GRIK2: variants seen among roughly 807,000 people sequenced by gnomAD.
GRIK2 encodes glutamate receptor ionotropic, kainate 2.
In GRIK2, 32 loss-of-function variants were observed where a neutral mutation model predicts 100.3. That is an observed-to-expected ratio of 0.32 (90% CI 0.24 to 0.43). GRIK2 has a LOEUF of 0.43. Among genes scored for constraint, GRIK2 ranks in the 20% least tolerant of loss-of-function variants. GRIK2 has a pLI of 1.00. For synonymous variants in GRIK2, 417 were observed against 389.4 expected, an observed-to-expected ratio of 1.07 and a Z score of -0.83; for missense variants, 843 against 1,114.9, an observed-to-expected ratio of 0.76 and a Z score of 3.47.
chr6:101,637,281 G>T (rs908667304), intron 4 of GRIK2, among the ~76,000 whole-genome samples: 1 of 151,996 alleles, frequency 6.6e-6, no homozygotes, highest in Non-Finnish European at 1.5e-5. Context: ...CATATTCACA[G>T]TTCCAGCCAT....
chr6:101,609,132 A>G (rs62421380), intron 2 of GRIK2, among the ~76,000 whole-genome samples: 8,716 of 151,844 alleles, frequency 0.057, 304 homozygotes, highest in South Asian at 0.084. Flanking sequence ...TTAGATCTCT[A>G]CTAGATTAGC....
intron 10 of GRIK2, among the ~76,000 whole-genome samples, chr6:101,819,723 G>T (rs575312297): frequency 3.5e-4 from 54 of 152,156 alleles, no homozygotes; most frequent in Admixed American, 2.3e-3. Context: ...ATTACTTCCT[G>T]TTGGGACTAT....
intron 2 of GRIK2, among the ~76,000 whole-genome samples, chr6:101,513,066 T>C (rs1265564743): frequency 6.6e-6 from 1 of 152,122 alleles, no homozygotes; most frequent in African/African-American, 2.4e-5. Context: ...TGAGTGACCA[T>C]GGCCCATGAC....
At chr6:101,733,095 C>T (rs1370828138) in intron 7 of GRIK2, among the ~76,000 whole-genome samples, 7 of 152,046 alleles carry the variant, frequency 4.6e-5, no homozygotes, top group Non-Finnish European at 1.0e-4. Flanking sequence ...TAGCATTCTG[C>T]CCCTGACACC....
At chr6:101,714,045 C>T (rs1212440876) in intron 7 of GRIK2, among the ~76,000 whole-genome samples, 1 of 151,506 alleles carries the variant, frequency 6.6e-6, no homozygotes, top group African/African-American at 2.4e-5. Context: ...AATAAAGATC[C>T]ACCTTTCTTT....
chr6:101,716,967 C>G lies in GRIK2; in HGVS notation c.951+30614C>G, dbSNP rs1363785810. ...GAATCATTTCCCCTTTTCTATCAGC[C>G]TTCAAAAGCTTGTTGATTGCTCTCT... On this transcript the variant is annotated intron_variant, in intron 7 of 16. Transcript: ENST00000369134. Among the ~76,000 whole-genome samples the G allele has an allele frequency of 2.0e-5, 3 of 151,788 alleles. No homozygotes were observed. In the Admixed American group the frequency reaches 2.0e-4, roughly 10 times the overall value.
At chr6:101,811,006 A>G (rs1781292736) in intron 9 of GRIK2, among the ~76,000 whole-genome samples, 1 of 152,136 alleles carries the variant, frequency 6.6e-6, no homozygotes, top group Non-Finnish European at 1.5e-5. Flanking sequence ...AGCATTTAAT[A>G]TAAATCTCTT....
chr6:101,491,625 C>G (rs1469833319), intron 2 of GRIK2, among the ~76,000 whole-genome samples: 1 of 151,934 alleles, frequency 6.6e-6, no homozygotes, highest in Non-Finnish European at 1.5e-5. Flanking sequence ...TCTCTATTTT[C>G]TATCTCATTA....
chr6:102,040,868 C>CAAATT (rs1770529763), intron 15 of GRIK2, among the ~76,000 whole-genome samples: 1 of 151,576 alleles, frequency 6.6e-6, no homozygotes, highest in Non-Finnish European at 1.5e-5. Context: ...AAAATTGATG[C>CAAATT]AAATTATTCA....
At chr6:101,759,333 C>CT (rs1451436859) in intron 7 of GRIK2, among the ~76,000 whole-genome samples, 1 of 151,628 alleles carries the variant, frequency 6.6e-6, no homozygotes, top group Non-Finnish European at 1.5e-5. Flanking sequence ...TTTTATTTTC[C>CT]TTTTTTTGTA....
intron 15 of GRIK2, among the ~76,000 whole-genome samples, chr6:102,040,147 A>G (rs1770488530): frequency 1.3e-5 from 2 of 151,542 alleles, no homozygotes; most frequent in South Asian, 4.1e-4. Flanking sequence ...TTACTGAAAT[A>G]CACACTATAC....
At chr6:102,042,562 A>G (rs921148304) in intron 15 of GRIK2, among the ~76,000 whole-genome samples, 2 of 151,624 alleles carry the variant, frequency 1.3e-5, no homozygotes, top group African/African-American at 4.8e-5. Context: ...TGGGTAGTTC[A>G]CTGTCTTGAA....
chr6:101,977,049 T>C (rs1378366593), intron 14 of GRIK2, among the ~76,000 whole-genome samples: 7 of 151,934 alleles, frequency 4.6e-5, no homozygotes. Flanking sequence ...ACACAGGTAC[T>C]AATGACTTAA....
intron 10 of GRIK2, among the ~76,000 whole-genome samples, chr6:101,826,076 C>A (rs995000377): frequency 6.6e-6 from 1 of 151,850 alleles, no homozygotes. Flanking sequence ...TTCACCCCAG[C>A]CAGAGGTGTG....
At chr6:101,636,039 G>C (rs1780993418) in intron 4 of GRIK2, among the ~76,000 whole-genome samples, 1 of 152,066 alleles carries the variant, frequency 6.6e-6, no homozygotes, top group South Asian at 2.1e-4. Flanking sequence ...CTACTATAAA[G>C]ACACATGCAC....
At chr6:101,821,225 TCA>T (rs1170502799) in intron 10 of GRIK2, among the ~76,000 whole-genome samples, 3 of 152,152 alleles carry the variant, frequency 2.0e-5, no homozygotes, top group Admixed American at 6.6e-5. Flanking sequence ...GCTTCAGTAT[TCA>T]GTGTTATTTT....
chr6:101,966,166 C>G (rs1332852481), intron 14 of GRIK2, among the ~76,000 whole-genome samples: 1 of 152,176 alleles, frequency 6.6e-6, no homozygotes, highest in East Asian at 1.9e-4. Context: ...ACATGGCATT[C>G]CCAAATTAAA....
chr6:101,906,618 T>C (rs1788249134), intron 12 of GRIK2, among the ~76,000 whole-genome samples: 1 of 151,676 alleles, frequency 6.6e-6, no homozygotes, highest in Admixed American at 6.6e-5. Context: ...GTAAAAGGCA[T>C]AAAAAGCAGG....
At chr6:101,683,448 ATGTATGAAAATCTGACTTTAACC>A (rs1771439521) in intron 6 of GRIK2, among the ~76,000 whole-genome samples, 3 of 152,110 alleles carry the variant, frequency 2.0e-5, no homozygotes, top group Non-Finnish European at 4.4e-5. Context: ...TTCCCTTATA[ATGTATGAAAATCTGACTTTAACC>A]TGTATCAAAC....
Sources: allele counts gnomAD v4.1 joint callset (sites outside exome capture counted in the v4.1 genomes callset), GRCh38; gene constraint gnomAD v4.1.1; transcripts MANE v1.5; gene names NCBI Gene and HGNC (gene_info 2026-07-23, HGNC 2026-07-21).